CFAP206: variants seen among roughly 807,000 people sequenced by gnomAD.
CFAP206 encodes cilia and flagella associated protein 206, also known as cilia- and flagella-associated protein 206.
CFAP206 carries 53 observed loss-of-function variants against 65.4 expected under a neutral mutation model. That is an observed-to-expected ratio of 0.81 (90% CI 0.65 to 1.02). The LOEUF (loss-of-function observed/expected upper bound fraction) is 1.02, where lower values mean the gene tolerates loss of function less well. Ranked by LOEUF, CFAP206 falls within the 50% of genes least tolerant of loss-of-function variation. The pLI, the probability that CFAP206 is intolerant of heterozygous loss-of-function variation, is 0.00. For synonymous variants in CFAP206, 250 were observed against 254.4 expected (o/e 0.98, Z 0.17); for missense variants, 663 against 753.2 (o/e 0.88, Z 1.40).
At chr6:87,458,219 G>A (rs1158308836) in intron 11 of CFAP206, among the ~76,000 whole-genome samples, 1 of 152,084 alleles carries the variant, frequency 6.6e-6, no homozygotes, top group Non-Finnish European at 1.5e-5. Context: ...TACACTGTTG[G>A]TGGGAATGTA....
chr6:87,429,460 C>T (rs1434738795), intron 9 of CFAP206, among the ~76,000 whole-genome samples: 1 of 152,068 alleles, frequency 6.6e-6, no homozygotes, highest in African/African-American at 2.4e-5. Context: ...GCAAATAAAG[C>T]TCCATTTCTT....
At position 87,426,634 on chromosome 6, in the gene CFAP206, T is replaced by C; in HGVS notation, c.949T>C (p.Ser317Pro). 2 of 1,582,574 alleles carry C rather than the reference T, an allele frequency of 1.3e-6. No homozygotes were observed. The highest frequency in any genetic ancestry group is 1.7e-6 in the Non-Finnish European group (2 of 1,165,188). Residue 317 changes from serine (S) to proline (P), a missense_variant, in exon 8 of 13, where the codon TCA (serine) becomes CCA (proline). By Grantham distance (74) the Ser-to-Pro change is moderately conservative. Transcript: ENST00000369562. Reference protein sequence around the residue: ...TIKSKIAVPTSQVFPIFIALS... With the variant: ...TIKSKIAVPTPQVFPIFIALS... Reference sequence around the variant, plus strand: ...AAAATCAAAGATAGCGGTCCCAACATCACAAGTCTTTGTAAGTATTTGTCA... The same window carrying C: ...AAAATCAAAGATAGCGGTCCCAACACCACAAGTCTTTGTAAGTATTTGTCA...
At chr6:87,434,476 G>A (rs1270868264) in intron 10 of CFAP206, among the ~76,000 whole-genome samples, 2 of 148,734 alleles carry the variant, frequency 1.3e-5, no homozygotes, top group Non-Finnish European at 3.0e-5. Flanking sequence ...TACAAACACA[G>A]AGTAACAATA....
chr6:87,455,563 A>T (rs1562010919), intron 11 of CFAP206, among the ~76,000 whole-genome samples: 1 of 152,138 alleles, frequency 6.6e-6, no homozygotes. Flanking sequence ...ATGAAAAGGT[A>T]CTTTTTTTAA....
intron 11 of CFAP206, among the ~76,000 whole-genome samples, chr6:87,443,158 T>C (rs2127954542): frequency 6.6e-6 from 1 of 152,272 alleles, no homozygotes; most frequent in African/African-American, 2.4e-5. Flanking sequence ...ACAGGAATTT[T>C]TTCCAGGTAG....
At chr6:87,436,471 G>C (rs1239297195) in intron 11 of CFAP206, among the ~76,000 whole-genome samples, 1 of 152,158 alleles carries the variant, frequency 6.6e-6, no homozygotes, top group Admixed American at 6.5e-5. Context: ...CAAGCAGTAA[G>C]TAGTGAGAGG....
Position 87,428,840 on chromosome 6 carries a change from C to T in CFAP206, c.1159+16C>T, listed in dbSNP as rs368038756. ...GAACACATGGGTAATGAAAATCATC[C>T]ATTATTTCCTCTTCTTTTTAAAATT... On this transcript the variant is annotated intron_variant, in intron 9 of 12. Coordinates refer to ENST00000369562, the MANE Select transcript of CFAP206 (RefSeq NM_001031743.3). The T allele has an allele frequency of 1.2e-6, 2 of 1,603,634 alleles. No individual in the cohort carries two copies. The highest frequency in any genetic ancestry group is 2.7e-5 in the African/African-American group (2 of 74,718).
Position 87,418,333 on chromosome 6 carries a change from A to C in CFAP206, c.757A>C (p.Met253Leu). ...ILEKAANDPL[M>L]RAELQPYMLK... ...TGAGAAGGCAGCCAACGACCCACTC[A>C]TGAGGGCTGAACTTCAGCCATATAT... Residue 253 changes from methionine to leucine, a missense_variant, in exon 7 of 13, where the codon ATG becomes CTG. Transcript: ENST00000369562. The C allele has an allele frequency of 6.2e-7, 1 of 1,614,184 alleles. No homozygotes were observed. The highest frequency in any genetic ancestry group is 8.5e-7 in the Non-Finnish European group (1 of 1,180,032).
intron 11 of CFAP206, among the ~76,000 whole-genome samples, chr6:87,451,869 C>T (rs1043308538): frequency 7.3e-5 from 10 of 137,914 alleles, no homozygotes; most frequent in Admixed American, 2.4e-4. Flanking sequence ...GAGACTCCAT[C>T]TCAAAAGAAA....
At chr6:87,416,865 T>G in intron 6 of CFAP206, 38 bp downstream of exon 6, 1 of 1,549,186 alleles carries the variant, frequency 6.5e-7, no homozygotes, top group Non-Finnish European at 8.8e-7. Context: ...AGGTTATGTA[T>G]GTTTAAAATT....
intron 11 of CFAP206, among the ~76,000 whole-genome samples, chr6:87,459,457 A>G (rs374963246): frequency 7.9e-5 from 12 of 152,194 alleles, no homozygotes; most frequent in African/African-American, 2.7e-4. Context: ...AGAAATGGGT[A>G]AAATTATTGT....
rs928806922 is a variant in CFAP206, at chr6:87,438,893, C to G, written c.1494+3840C>G. On this transcript the variant is annotated intron_variant, in intron 11 of 12. Transcript: ENST00000369562. Reference sequence around the variant, plus strand: ...ATTTCCCACAAAATACAGTGCACCTCTATTGTATTAACAACTTTCATATGA... The same window carrying G: ...ATTTCCCACAAAATACAGTGCACCTGTATTGTATTAACAACTTTCATATGA... Among the ~76,000 whole-genome samples the G allele has an allele frequency of 3.0e-4, 45 of 152,168 alleles. 3 individuals carry two copies. The highest frequency in any genetic ancestry group is 4.8e-5 in the African/African-American group (2 of 41,446).
intron 11 of CFAP206, among the ~76,000 whole-genome samples, chr6:87,456,945 C>T (rs531427193): frequency 1.3e-5 from 2 of 152,010 alleles, no homozygotes; most frequent in South Asian, 2.1e-4. Flanking sequence ...GTCAGAAGAT[C>T]GAAACCATCC....
intron 11 of CFAP206, among the ~76,000 whole-genome samples, chr6:87,446,429 G>A (rs1044298115): frequency 1.3e-5 from 2 of 152,146 alleles, no homozygotes; most frequent in Non-Finnish European, 2.9e-5. Flanking sequence ...TTCTGCATAT[G>A]GCTAGCCAGT....
At chr6:87,424,405 G>A (rs1246066882) in intron 7 of CFAP206, among the ~76,000 whole-genome samples, 1 of 151,842 alleles carries the variant, frequency 6.6e-6, no homozygotes, top group Non-Finnish European at 1.5e-5. Context: ...TCAGCCTCCC[G>A]AGTAGCTGGG....
chr6:87,426,750 T>A, intron 8 of CFAP206, 105 bp downstream of exon 8: 3 of 926,142 alleles, frequency 3.2e-6, no homozygotes. Context: ...AAAAATATAA[T>A]GTTTTGTATA....
Position 87,464,328 on chromosome 6 carries a change from C to A in CFAP206, c.*78C>A. On this transcript the variant is annotated 3_prime_UTR_variant, in exon 13 of 13. Transcript: ENST00000369562. ...ACTTAAAGGTATATTAACATCTATA[C>A]AAATTAATTTTGTAGGGGTGGCACA... 8.9e-7 allele frequency: 1 copy of A among 1,129,060 alleles called. No individual in the cohort carries two copies. Among genetic ancestry groups the A allele is most frequent in the Non-Finnish European group, 1.2e-6 (1 of 821,724 alleles). The allele number at this position is 1,129,060 out of a possible 1,614,324, so 69.9% of individuals were successfully genotyped here.
Position 87,409,885 on chromosome 6 carries a change from G to GA in CFAP206, c.49dup (p.Ile17AsnfsTer14). On this transcript the variant is annotated frameshift_variant, in exon 2 of 13. Transcript: ENST00000369562. LOFTEE classifies it high-confidence loss of function. ...AAGTGTTATAAGGAGTATTATACGA[G>GA]AAATAGGACAAGAATGTGCAGCCCA... 6.2e-7 allele frequency: 1 copy of GA among 1,613,304 alleles called. No individual in the cohort carries two copies. Among genetic ancestry groups the GA allele is most frequent in the Non-Finnish European group, 8.5e-7 (1 of 1,179,552 alleles).
intron 1 of CFAP206, 35 bp downstream of exon 1, chr6:87,408,124 GAGGCGTACCCC>G: frequency 2.1e-6 from 2 of 967,836 alleles, no homozygotes; most frequent in Non-Finnish European, 2.5e-6. Context: ...CCTTGACCCG[GAGGCGTACCCC>G]GCCAGGCGGC....
Sources: gnomAD v4.1 joint callset for allele counts (sites outside exome capture counted in the v4.1 genomes callset) on GRCh38, gnomAD v4.1.1 for gene constraint, MANE v1.5 for transcripts, NCBI Gene and HGNC (gene_info 2026-07-23, HGNC 2026-07-21) for gene names.